DNAH3: variants seen among roughly 807,000 people sequenced by gnomAD.
DNAH3 encodes axonemal beta dynein heavy chain 3.
A neutral mutation model predicts 432.5 loss-of-function variants in DNAH3; 332 were observed. The observed-to-expected ratio is 0.77, with a 90% CI of 0.70 to 0.84. The LOEUF (loss-of-function observed/expected upper bound fraction) is 0.84. Ranked by LOEUF, DNAH3 falls within the 40% of genes least tolerant of loss-of-function variation. DNAH3 has a pLI of 0.00. For missense variants in DNAH3, 4,861 were observed against 5,114.0 expected, an observed-to-expected ratio of 0.95 and a Z score of 1.51; for synonymous variants, 1,956 against 1,900.2, an observed-to-expected ratio of 1.03 and a Z score of -0.76.
intron 1 of DNAH3, among the ~76,000 whole-genome samples, chr16:21,146,957 A>G (rs977252136): frequency 1.3e-5 from 2 of 151,802 alleles, no homozygotes; most frequent in Non-Finnish European, 2.9e-5. Context: ...ACGGGGTTTC[A>G]TCATGTTGGC....
intron 54 of DNAH3, among the ~76,000 whole-genome samples, chr16:20,956,591 T>C (rs1030030861): frequency 6.6e-5 from 10 of 152,258 alleles, no homozygotes; most frequent in Non-Finnish European, 1.5e-4. Context: ...AATGTCAACA[T>C]AAATAACTTT....
At chr16:20,964,531 G>A (rs148895333) in exon 53 of DNAH3, 70 of 1,614,126 alleles carry the variant, frequency 4.3e-5, no homozygotes, top group African/African-American at 1.6e-4. Context: ...TAACTGCAGC[G>A]CGTTTTCCAG....
intron 24 of DNAH3, among the ~76,000 whole-genome samples, chr16:21,063,507 ATATTT>A (rs994732981): frequency 2.0e-4 from 30 of 147,842 alleles, no homozygotes; most frequent in South Asian, 6.3e-4. Flanking sequence ...TTATTATTTT[ATATTT>A]TATTTTATTT....
intron 1 of DNAH3, among the ~76,000 whole-genome samples, chr16:21,149,440 C>T (rs28532322): frequency 6.6e-6 from 1 of 152,126 alleles, no homozygotes; most frequent in Admixed American, 6.5e-5. Context: ...AACAGAAATT[C>T]TGGAACTTAG....
intron 61 of DNAH3, among the ~76,000 whole-genome samples, 199 bp downstream of exon 61, chr16:20,935,149 G>A (rs1024245278): frequency 2.6e-5 from 4 of 152,186 alleles, no homozygotes; most frequent in Admixed American, 1.3e-4. Context: ...TGTATACACA[G>A]AGACAAAGCA....
exon 50 of DNAH3, chr16:20,979,348 G>C: frequency 6.2e-7 from 1 of 1,614,028 alleles, no homozygotes; most frequent in South Asian, 1.1e-5. Context: ...CTGCAAAGTC[G>C]AGTTTCTGCA....
intron 40 of DNAH3, among the ~76,000 whole-genome samples, 175 bp downstream of exon 40, chr16:21,021,796 G>A (rs1401240461): frequency 1.3e-5 from 2 of 151,820 alleles, no homozygotes; most frequent in East Asian, 1.9e-4. Flanking sequence ...CCAGCTACTC[G>A]GGAGGCTGAG....
exon 28 of DNAH3, chr16:21,054,472 C>T: frequency 6.2e-7 from 1 of 1,614,206 alleles, no homozygotes; most frequent in South Asian, 1.1e-5. Flanking sequence ...CTCCACTGCT[C>T]AGCTTCCCTC....
intron 52 of DNAH3, 55 bp from the exon 53 acceptor site, chr16:20,965,480 A>T: frequency 7.0e-7 from 1 of 1,422,740 alleles, no homozygotes; most frequent in Non-Finnish European, 9.3e-7. Context: ...CCAAGACTTA[A>T]AATTCTGCAG....
At chr16:21,016,344 A>G (rs1364970841) in intron 41 of DNAH3, among the ~76,000 whole-genome samples, 8 of 152,378 alleles carry the variant, frequency 5.3e-5, no homozygotes, top group Admixed American at 2.6e-4. Flanking sequence ...ACAAACCTGG[A>G]GACACATACA....
chr16:20,946,799 T>G (rs1000439088), intron 57 of DNAH3, among the ~76,000 whole-genome samples: 5 of 145,092 alleles, frequency 3.4e-5, no homozygotes, highest in Non-Finnish European at 6.1e-5. Context: ...AATCTTCCCC[T>G]GCCTTTCTGA....
intron 41 of DNAH3, among the ~76,000 whole-genome samples, chr16:21,010,563 G>A (rs1267994170): frequency 1.3e-5 from 2 of 152,144 alleles, no homozygotes; most frequent in Non-Finnish European, 2.9e-5. Flanking sequence ...TTTCCTTAGT[G>A]TATGCTTCCC....
exon 27 of DNAH3, chr16:21,058,147 C>T (rs761444259): frequency 1.2e-6 from 2 of 1,614,044 alleles, no homozygotes; most frequent in South Asian, 1.1e-5. Flanking sequence ...GGAGGAGACA[C>T]AGATAACCAC....
intron 7 of DNAH3, among the ~76,000 whole-genome samples, chr16:21,132,006 A>G (rs998718769): frequency 4.6e-5 from 7 of 152,178 alleles, no homozygotes; most frequent in African/African-American, 1.7e-4. Context: ...ATAAGTTATT[A>G]CTTTATATGG....
rs137977410 is a variant in DNAH3, at chr16:21,138,853, C to T, written c.696+1683G>A. ...ACAGAGACTTTGGTATCAGCCAGAC[C>T]GGCTTTCAGTCTTAGTTTTGTCTCC... On this transcript the variant is annotated intron_variant, in intron 5 of 61. Transcript: ENST00000261383. Among the ~76,000 whole-genome samples, 10 of 152,010 alleles carry T rather than the reference C, an allele frequency of 6.6e-5. No individual in the cohort carries two copies. The East Asian group carries it at 1.5e-3, about 24-fold the overall frequency.
intron 23 of DNAH3, 72 bp from the exon 24 acceptor site, chr16:21,067,491 G>C: frequency 6.5e-7 from 1 of 1,534,768 alleles, no homozygotes; most frequent in Non-Finnish European, 9.0e-7. Flanking sequence ...TGTATTGAAT[G>C]TGTGACCTAT....
intron 41 of DNAH3, among the ~76,000 whole-genome samples, chr16:21,005,868 G>C (rs949412646): frequency 7.9e-6 from 1 of 127,196 alleles, no homozygotes; most frequent in Non-Finnish European, 1.6e-5. Context: ...ATTTTAAATT[G>C]CTGTGCAGAA....
intron 41 of DNAH3, among the ~76,000 whole-genome samples, chr16:21,004,454 G>A (rs560288735): frequency 9.9e-5 from 15 of 151,756 alleles, no homozygotes; most frequent in Non-Finnish European, 1.9e-4. Flanking sequence ...TGCAACCTCC[G>A]CCTCCCGAGT....
At chr16:20,975,251 G>A in exon 51 of DNAH3, 1 of 1,613,642 alleles carries the variant, frequency 6.2e-7, no homozygotes. Context: ...CTTGGGCAAT[G>A]GCAGCAGCAA....
Sources: gnomAD v4.1 joint callset for allele counts (sites outside exome capture counted in the v4.1 genomes callset) on GRCh38, gnomAD v4.1.1 for gene constraint, MANE v1.5 for transcripts, NCBI Gene and HGNC (gene_info 2026-07-23, HGNC 2026-07-21) for gene names.